Variants in FNBP1 observed in about 807,000 individuals in gnomAD.
The protein encoded by FNBP1 is formin-binding protein 1.
In FNBP1, 26 loss-of-function variants were observed where a neutral mutation model predicts 90.6. The ratio of observed to expected loss-of-function variants is 0.29; its 90% CI spans 0.21 to 0.40. FNBP1 has a LOEUF of 0.40. Ranked by LOEUF, FNBP1 falls within the 10% of genes least tolerant of loss-of-function variation. FNBP1 has a pLI of 1.00. For synonymous variants in FNBP1, 260 were observed against 265.2 expected, an observed-to-expected ratio of 0.98 and a Z score of 0.19; for missense variants, 635 against 768.0, an observed-to-expected ratio of 0.83 and a Z score of 2.05.
chr9:129,976,471 T>C (rs2130844314), intron 4 of FNBP1, among the ~76,000 whole-genome samples: 1 of 152,332 alleles, frequency 6.6e-6, no homozygotes, highest in East Asian at 1.9e-4. Flanking sequence ...AATGGGTTGA[T>C]CTTAAGGCAT....
Position 129,887,532 on chromosome 9 carries a change from G to A in FNBP1, c.*3007C>T, listed in dbSNP as rs113515059. 3.8e-5 allele frequency: 8 copies of A among 208,214 alleles called. No homozygotes were observed. Among genetic ancestry groups the A allele is most frequent in the African/African-American group, 9.1e-5 (4 of 44,020 alleles). The allele number at this position is 208,214 out of a possible 1,614,324, so 12.9% of individuals were successfully genotyped here. The stretch of plus-strand genomic sequence containing the variant: ...CTTAGCATGAACGTCACTTTTTGAC[G>A]TCGTGTAAACTTTCTTCTGCAATGA... On this transcript the variant is annotated 3_prime_UTR_variant, in exon 17 of 17. Transcript: ENST00000446176.
intron 8 of FNBP1, among the ~76,000 whole-genome samples, chr9:129,925,374 C>T (rs113459906): frequency 0.055 from 8,287 of 151,368 alleles, 311 homozygotes; most frequent in Non-Finnish European, 0.083. Flanking sequence ...GGCGTGGTGG[C>T]GGGCGCCTGT....
intron 4 of FNBP1, among the ~76,000 whole-genome samples, chr9:129,970,729 G>T (rs2049324042): frequency 6.6e-6 from 1 of 152,140 alleles, no homozygotes; most frequent in South Asian, 2.1e-4. Context: ...AACCCACTAG[G>T]TGAAGAAGCT....
chr9:129,925,517 G>T (rs1396203700), intron 8 of FNBP1, among the ~76,000 whole-genome samples: 1 of 146,760 alleles, frequency 6.8e-6, no homozygotes, highest in African/African-American at 2.5e-5. Context: ...AAAAAACAAT[G>T]AATTATGATG....
chr9:130,038,913 C>T (rs2059587972), intron 1 of FNBP1, among the ~76,000 whole-genome samples: 1 of 152,094 alleles, frequency 6.6e-6, no homozygotes, highest in African/African-American at 2.4e-5. Flanking sequence ...TGGATTTATT[C>T]ATACTTCACA....
chr9:130,047,815 T>G (rs1235005425), upstream of FNBP1, among the ~76,000 whole-genome samples: 1 of 152,164 alleles, frequency 6.6e-6, no homozygotes, highest in Non-Finnish European at 1.5e-5. Context: ...TAGGGCTTTT[T>G]GGCAATTCTA....
At chr9:129,913,649 T>TA (rs2039744635) in intron 11 of FNBP1, among the ~76,000 whole-genome samples, 1 of 151,830 alleles carries the variant, frequency 6.6e-6, no homozygotes, top group African/African-American at 2.4e-5. Context: ...CGCGCCCCTA[T>TA]AATCCCAGCT....
intron 1 of FNBP1, among the ~76,000 whole-genome samples, chr9:130,000,389 G>T (rs1466432823): frequency 6.6e-6 from 1 of 152,094 alleles, no homozygotes; most frequent in Non-Finnish European, 1.5e-5. Flanking sequence ...TACTCGGGAG[G>T]CTGAGGCAGG....
chr9:129,994,358 G>C (rs558114872), intron 2 of FNBP1, among the ~76,000 whole-genome samples: 2 of 152,146 alleles, frequency 1.3e-5, no homozygotes, highest in Admixed American at 6.6e-5. Flanking sequence ...TCAAAAGTGG[G>C]CACTACTAAT....
chr9:130,019,695 G>GAA lies in FNBP1; in HGVS notation c.24+23255_24+23256dup, dbSNP rs1362877587. ...CTTTGGAGTAATGGCTAGCCAGAGA[G>GAA]AAACCTCATTTTTTTCAAGTGGTCA... On this transcript the variant is annotated intron_variant, in intron 1 of 16. Coordinates refer to ENST00000446176, the MANE Select transcript of FNBP1 (RefSeq NM_015033.3). Among the ~76,000 whole-genome samples, 36 of 152,118 alleles carry GAA rather than the reference G, an allele frequency of 2.4e-4. 1 individual carries two copies. The highest frequency in any genetic ancestry group is 2.4e-3 in the Admixed American group (36 of 15,276).
At chr9:129,907,513 T>G (rs946068043) in intron 12 of FNBP1, among the ~76,000 whole-genome samples, 1 of 152,054 alleles carries the variant, frequency 6.6e-6, no homozygotes, top group Non-Finnish European at 1.5e-5. Flanking sequence ...GGTCTTGCTC[T>G]GTTGCCCAAG....
chr9:129,992,921 T>TA lies in FNBP1; in HGVS notation c.140+1921dup, dbSNP rs977580384. 7.7e-3 allele frequency among the ~76,000 whole-genome samples: 889 copies of TA among 114,762 alleles called. 3 individuals carry two copies. The highest frequency in any genetic ancestry group is 0.019 in the African/African-American group (591 of 31,240). 75.3% of individuals were successfully genotyped at this position (114,762 alleles called of 152,430 possible). A position where few individuals can be genotyped will look rare whatever the true frequency, so the allele number is the denominator to read the frequency against. On this transcript the variant is annotated intron_variant, in intron 2 of 16. Transcript: ENST00000446176. ...AATGGTGAGGGAGCTTGAAGAAAAT[T>TA]AAAAAAAAAAAAAAAGAAAAAAGGG...
chr9:129,888,907 C>T lies in FNBP1; in HGVS notation c.*1632G>A, dbSNP rs1452211010. 2 of 232,014 alleles carry T rather than the reference C, an allele frequency of 8.6e-6. No homozygotes were observed. The highest frequency in any genetic ancestry group is 4.4e-5 in the African/African-American group (2 of 45,240). 14.4% of individuals were successfully genotyped at this position (232,014 alleles called of 1,614,324 possible). On this transcript the variant is annotated 3_prime_UTR_variant, in exon 17 of 17. Coordinates refer to ENST00000446176, the MANE Select transcript of FNBP1 (RefSeq NM_015033.3). ...TTAGATTCATAAACAGCAAGAGGAA[C>T]TGAGGATGCTTGAGGGGACCACCTA...
At position 129,888,592 on chromosome 9, in the gene FNBP1, C is replaced by G. The variant is rs1011627044; in HGVS notation, c.*1947G>C. The stretch of plus-strand genomic sequence containing the variant: ...GGAAGTCCATGGCTCTGCCGCAACC[C>G]TGAGCGGTTTGCAGTCCCCCCCGGG... On this transcript the variant is annotated 3_prime_UTR_variant, in exon 17 of 17. Coordinates refer to ENST00000446176, the MANE Select transcript of FNBP1 (RefSeq NM_015033.3). 4.3e-6 allele frequency: 1 copy of G among 233,026 alleles called. No individual in the cohort carries two copies. The highest frequency in any genetic ancestry group is 2.2e-5 in the African/African-American group (1 of 45,336). 14.4% of individuals were successfully genotyped at this position (233,026 alleles called of 1,614,324 possible).
At chr9:129,963,695 A>C (rs977402167) in intron 4 of FNBP1, among the ~76,000 whole-genome samples, 18 of 149,236 alleles carry the variant, frequency 1.2e-4, no homozygotes, top group Admixed American at 3.4e-4. Flanking sequence ...GCTCACTGCA[A>C]CTTCCGCCTC....
intron 2 of FNBP1, among the ~76,000 whole-genome samples, chr9:129,993,178 G>C (rs1440552150): frequency 2.8e-5 from 4 of 145,166 alleles, no homozygotes; most frequent in Admixed American, 2.1e-4. Context: ...AGTGAGCTGA[G>C]ATTGTACCAC....
chr9:130,021,918 G>A (rs2057869027), intron 1 of FNBP1, among the ~76,000 whole-genome samples: 1 of 152,192 alleles, frequency 6.6e-6, no homozygotes, highest in African/African-American at 2.4e-5. Flanking sequence ...CTGGAGTGTA[G>A]TGGTGCTATC....
chr9:130,035,694 C>T (rs527545712), intron 1 of FNBP1, among the ~76,000 whole-genome samples: 2 of 152,312 alleles, frequency 1.3e-5, no homozygotes, highest in South Asian at 2.1e-4. Flanking sequence ...TGCCTGTAAT[C>T]CCAGCACTTT....
At chr9:129,968,639 G>T (rs911890841) in intron 4 of FNBP1, among the ~76,000 whole-genome samples, 1 of 152,120 alleles carries the variant, frequency 6.6e-6, no homozygotes, top group Non-Finnish European at 1.5e-5. Context: ...ACTTTGAAAA[G>T]AATGTTATAG....
Sources: allele counts gnomAD v4.1 joint callset (sites outside exome capture counted in the v4.1 genomes callset), GRCh38; gene constraint gnomAD v4.1.1; transcripts MANE v1.5; gene names NCBI Gene and HGNC (gene_info 2026-07-23, HGNC 2026-07-21).